The following COL22A1 variants were observed in gnomAD, a reference collection of about 807,000 sequenced individuals.
The protein encoded by COL22A1 is collagen alpha-1(XXII) chain.
In COL22A1, 221 loss-of-function variants were observed where a neutral mutation model predicts 248.9. The observed-to-expected ratio is 0.89, with a 90% CI of 0.80 to 0.99. The LOEUF (loss-of-function observed/expected upper bound fraction) is 0.99. Among genes scored for constraint, COL22A1 ranks in the 50% least tolerant of loss-of-function variants. The pLI is 0.00. For synonymous variants in COL22A1, 891 were observed against 793.4 expected (o/e 1.12, Z -2.07); for missense variants, 2,240 against 2,179.0 (o/e 1.03, Z -0.56).
chr8:138,905,701 A>G (rs1814952950), intron 1 of COL22A1, among the ~76,000 whole-genome samples: 1 of 152,056 alleles, frequency 6.6e-6, no homozygotes, highest in South Asian at 2.1e-4. Context: ...CACCCTAAAC[A>G]TCCACGTTAT....
intron 12 of COL22A1, among the ~76,000 whole-genome samples, chr8:138,796,408 T>TC (rs1816539025): frequency 1.4e-5 from 2 of 142,214 alleles, no homozygotes; most frequent in Non-Finnish European, 3.0e-5. Flanking sequence ...TTTTTTTTTT[T>TC]TTTTTTTTTT....
intron 44 of COL22A1, among the ~76,000 whole-genome samples, chr8:138,656,928 C>G (rs1823317926): frequency 6.6e-6 from 1 of 152,182 alleles, no homozygotes; most frequent in African/African-American, 2.4e-5. Flanking sequence ...CAGGCTATTT[C>G]CCCATCCCTG....
chr8:138,706,193 C>T (rs1018472126), intron 30 of COL22A1, among the ~76,000 whole-genome samples: 6 of 152,134 alleles, frequency 3.9e-5, no homozygotes, highest in Non-Finnish European at 8.8e-5. Flanking sequence ...TAATGGGAGA[C>T]TTTAACACCC....
intron 30 of COL22A1, among the ~76,000 whole-genome samples, chr8:138,708,106 AC>A (rs886393601): frequency 6.6e-6 from 1 of 152,238 alleles, no homozygotes; most frequent in African/African-American, 2.4e-5. Flanking sequence ...TTCAAGGAGA[AC>A]TACAAACCAC....
intron 9 of COL22A1, among the ~76,000 whole-genome samples, chr8:138,810,274 T>C (rs1368473959): frequency 1.3e-5 from 2 of 152,230 alleles, no homozygotes; most frequent in Admixed American, 1.3e-4. Context: ...GCATCGCTCC[T>C]GGCACAGTCC....
chr8:138,826,786 A>G lies in COL22A1; in HGVS notation c.846-5T>C. The G allele has an allele frequency of 6.2e-7, 1 of 1,613,884 alleles. No individual in the cohort carries two copies. The highest frequency in any genetic ancestry group is 8.5e-7 in the Non-Finnish European group (1 of 1,179,890). On this transcript the variant is annotated splice_region_variant and splice_polypyrimidine_tract_variant and intron_variant, in intron 5 of 64. Coordinates refer to ENST00000303045, the MANE Select transcript of COL22A1 (RefSeq NM_152888.3). ...AAACCTTGGGGGAACACATCCCTGG[A>G]GAAAAATGGAGACAAAGACACCAGG...
chr8:138,730,651 C>T (rs947628925), intron 23 of COL22A1, among the ~76,000 whole-genome samples: 8 of 152,048 alleles, frequency 5.3e-5, no homozygotes, highest in Admixed American at 3.9e-4. Flanking sequence ...CCATGGCTTC[C>T]GGCATGTAGC....
intron 41 of COL22A1, among the ~76,000 whole-genome samples, chr8:138,674,018 C>T (rs951325112): frequency 2.6e-5 from 4 of 152,180 alleles, no homozygotes; most frequent in African/African-American, 7.2e-5. Flanking sequence ...CAGGTACCCA[C>T]GGTGGCCTTC....
chr8:138,857,813 C>T (rs1042453375), intron 3 of COL22A1, among the ~76,000 whole-genome samples: 5 of 152,218 alleles, frequency 3.3e-5, no homozygotes, highest in African/African-American at 7.2e-5. Flanking sequence ...AGAGGAGCTG[C>T]CTTAAGGTGC....
intron 62 of COL22A1, among the ~76,000 whole-genome samples, chr8:138,596,344 A>G (rs1427650545): frequency 6.6e-6 from 1 of 152,210 alleles, no homozygotes; most frequent in African/African-American, 2.4e-5. Flanking sequence ...GTTGCTCCAT[A>G]GACCTGGGGT....
chr8:138,824,090 A>G (rs561680381), intron 6 of COL22A1, among the ~76,000 whole-genome samples: 36 of 152,342 alleles, frequency 2.4e-4, no homozygotes, highest in Non-Finnish European at 4.4e-5. Flanking sequence ...AGTAGGGCAT[A>G]AAATAGAAAA....
intron 1 of COL22A1, among the ~76,000 whole-genome samples, chr8:138,885,783 G>A (rs551994590): frequency 1.2e-4 from 18 of 152,120 alleles, no homozygotes; most frequent in South Asian, 2.1e-4. Flanking sequence ...GGCTGGTTTC[G>A]AACTCCCGAC....
intron 56 of COL22A1, among the ~76,000 whole-genome samples, chr8:138,609,376 C>T (rs963196928): frequency 1.3e-5 from 2 of 152,206 alleles, no homozygotes; most frequent in Non-Finnish European, 2.9e-5. Flanking sequence ...ACAGCTTCCA[C>T]CTTGAGCCTT....
At chr8:138,640,235 AT>A (rs1171015335) in intron 47 of COL22A1, among the ~76,000 whole-genome samples, 1 of 152,078 alleles carries the variant, frequency 6.6e-6, no homozygotes, top group African/African-American at 2.4e-5. Context: ...TTTTAATTAC[AT>A]TTTTCCAGAA....
At chr8:138,806,174 A>AGGTT (rs1563788941) in intron 10 of COL22A1, among the ~76,000 whole-genome samples, 3 of 12,508 alleles carry the variant, frequency 2.4e-4, no homozygotes, top group African/African-American at 4.5e-4. Flanking sequence ...GTGATGGTGT[A>AGGTT]AGTAATGGTG....
At chr8:138,681,889 G>A (rs1261719910) in intron 39 of COL22A1, among the ~76,000 whole-genome samples, 1 of 152,130 alleles carries the variant, frequency 6.6e-6, no homozygotes, top group Non-Finnish European at 1.5e-5. Flanking sequence ...TCACCCTTAG[G>A]AAAAAGCACA....
At chr8:138,746,413 T>A (rs1832115709) in intron 22 of COL22A1, among the ~76,000 whole-genome samples, 1 of 152,224 alleles carries the variant, frequency 6.6e-6, no homozygotes, top group African/African-American at 2.4e-5. Flanking sequence ...TCATTTTGTC[T>A]TGCATTTTCC....
intron 18 of COL22A1, among the ~76,000 whole-genome samples, chr8:138,756,711 G>C (rs1272471786): frequency 2.6e-5 from 4 of 152,108 alleles, no homozygotes; most frequent in Admixed American, 2.6e-4. Context: ...AGGGGGAAGA[G>C]TGAATGGCTC....
intron 35 of COL22A1, 47 bp from the exon 36 acceptor site, chr8:138,690,921 G>T (rs1736958285): frequency 1.9e-5 from 29 of 1,503,024 alleles, no homozygotes; most frequent in Non-Finnish European, 2.5e-5. Context: ...TTGATTAGAA[G>T]TAGTTGCCCC....
Sources: allele counts gnomAD v4.1 joint callset (sites outside exome capture counted in the v4.1 genomes callset), GRCh38; gene constraint gnomAD v4.1.1; transcripts MANE v1.5; gene names NCBI Gene and HGNC (gene_info 2026-07-23, HGNC 2026-07-21).